NDUFB6: variants seen among roughly 807,000 people sequenced by gnomAD.
NDUFB6 encodes the protein NADH:ubiquinone oxidoreductase subunit B6.
Under a neutral mutation model 17.5 loss-of-function variants are expected in NDUFB6, and 23 were observed. The ratio of observed to expected loss-of-function variants is 1.31; its 90% CI spans 0.94 to 1.86. The LOEUF (loss-of-function observed/expected upper bound fraction) is 1.86. Ranked by LOEUF, NDUFB6 falls within the 40% of genes most tolerant of loss-of-function variation. The probability of loss-of-function intolerance (pLI) is 0.00; values close to 1 mark genes in which losing one functional copy is unlikely to be tolerated. For missense variants in NDUFB6, 167 were observed against 153.8 expected, an observed-to-expected ratio of 1.09 and a Z score of -0.46; for synonymous variants, 60 against 53.5, an observed-to-expected ratio of 1.12 and a Z score of -0.53.
At chr9:32,572,316 T>G (rs922357768) in intron 1 of NDUFB6, among the ~76,000 whole-genome samples, 1 of 152,206 alleles carries the variant, frequency 6.6e-6, no homozygotes, top group Non-Finnish European at 1.5e-5. Context: ...AAAATGCGAT[T>G]TTTTTAATGA....
At chr9:32,562,783 C>T (rs900788299) in intron 2 of NDUFB6, among the ~76,000 whole-genome samples, 1 of 152,190 alleles carries the variant, frequency 6.6e-6, no homozygotes, top group East Asian at 1.9e-4. Flanking sequence ...TCTCAATTGT[C>T]TCAATAATTG....
At position 32,560,805 on chromosome 9, in the gene NDUFB6, C is replaced by A. The variant is rs114949985; in HGVS notation, c.274-1851G>T. Among the ~76,000 whole-genome samples the A allele has an allele frequency of 4.7e-3, 721 of 152,164 alleles. 8 individuals carry two copies. The highest frequency in any genetic ancestry group is 0.017 in the African/African-American group (691 of 41,512). On this transcript the variant is annotated intron_variant, in intron 2 of 3. Transcript: ENST00000379847. ...GATAGTAAAAACAAAGGAGATTATT[C>A]TTATTTTACTAGATGCATAGTTTAA...
chr9:32,568,442 G>T, intron 2 of NDUFB6: 1 of 241,872 alleles, frequency 4.1e-6, no homozygotes, highest in Non-Finnish European at 8.8e-6. Flanking sequence ...TATGAACATT[G>T]TTGAAATGAC....
chr9:32,565,225 A>G (rs936527855), intron 2 of NDUFB6, among the ~76,000 whole-genome samples: 2 of 151,828 alleles, frequency 1.3e-5, no homozygotes, highest in Non-Finnish European at 2.9e-5. Flanking sequence ...CCCAGGAGGC[A>G]GAGGTCGCAG....
chr9:32,561,047 T>A (rs1587641880), intron 2 of NDUFB6, among the ~76,000 whole-genome samples: 1 of 152,322 alleles, frequency 6.6e-6, no homozygotes, highest in Admixed American at 6.5e-5. Flanking sequence ...AACAGATGTA[T>A]AATGAAATGA....
chr9:32,572,872 G>C lies in NDUFB6; in HGVS notation c.180+9C>G. On this transcript the variant is annotated intron_variant, in intron 1 of 3. Coordinates refer to ENST00000379847, the MANE Select transcript of NDUFB6 (RefSeq NM_002493.5). ...GTGTTGGGGGGGACCGGAGAGGTCT[G>C]TCACTCACCATTTTCCTCCAAGGGG... 6.4e-7 allele frequency: 1 copy of C among 1,567,348 alleles called. No homozygotes were observed.
chr9:32,557,698 C>T lies in NDUFB6; in HGVS notation c.318+1212G>A, dbSNP rs547976162. ...TTCACCATGTTGGCCAGGCTGGTCTCGAAGTTCTGACCTTGTGATCCACCC... is the reference window on the plus strand; with the variant it reads ...TTCACCATGTTGGCCAGGCTGGTCTTGAAGTTCTGACCTTGTGATCCACCC... On this transcript the variant is annotated intron_variant, in intron 3 of 3. Transcript: ENST00000379847. Among the ~76,000 whole-genome samples the T allele has an allele frequency of 9.9e-5, 15 of 151,994 alleles. 1 individual carries two copies. Among genetic ancestry groups the T allele is most frequent in the South Asian group, 4.2e-4 (2 of 4,808 alleles).
chr9:32,556,844 TAC>T (rs1375590875), intron 3 of NDUFB6, among the ~76,000 whole-genome samples: 254 of 131,352 alleles, frequency 1.9e-3, no homozygotes, highest in Admixed American at 4.6e-3. Context: ...AGAAATCCCC[TAC>T]TTTTTTTTTT....
intron 3 of NDUFB6, among the ~76,000 whole-genome samples, chr9:32,556,815 T>C (rs1821467403): frequency 6.7e-6 from 1 of 150,006 alleles, no homozygotes; most frequent in Non-Finnish European, 1.5e-5. Flanking sequence ...ACATCAATGT[T>C]ACACAATAAA....
chr9:32,553,891 A>G lies in NDUFB6; in HGVS notation c.372T>C (p.Pro124=), dbSNP rs1194334797. 1 of 1,592,720 alleles carries G rather than the reference A, an allele frequency of 6.3e-7. No individual in the cohort carries two copies. The highest frequency in any genetic ancestry group is 8.6e-7 in the Non-Finnish European group (1 of 1,161,374). ...GEVIPPMKEF[P]DQHH Reference sequence around the variant, plus strand: ...TACATAATCTTTAATGATGTTGATCAGGAAATTCTTTCATTGGTGGAATTA... The same window carrying G: ...TACATAATCTTTAATGATGTTGATCGGGAAATTCTTTCATTGGTGGAATTA... The change falls in exon 4 of 4, where the codon CCT becomes CCC. Residue 124 remains proline, a synonymous_variant. Coordinates refer to ENST00000379847, the MANE Select transcript of NDUFB6 (RefSeq NM_002493.5).
At chr9:32,566,139 G>A in intron 2 of NDUFB6, 1 of 655,324 alleles carries the variant, frequency 1.5e-6, no homozygotes, top group Non-Finnish European at 2.8e-6. Context: ...AGAATATGGT[G>A]TGTATATGTC....
chr9:32,566,713 A>G (rs1295908440), intron 2 of NDUFB6: 3 of 859,482 alleles, frequency 3.5e-6, no homozygotes, highest in Non-Finnish European at 6.0e-6. Flanking sequence ...GACTTATTCC[A>G]AAATCGGGAC....
chr9:32,564,175 T>G (rs673710), intron 2 of NDUFB6, among the ~76,000 whole-genome samples: 61,523 of 152,036 alleles, frequency 0.4, 12,929 homozygotes, highest in South Asian at 0.47. Flanking sequence ...TATCTATTTC[T>G]AGGTCTATCA....
chr9:32,555,644 T>C (rs1030609357), intron 3 of NDUFB6, among the ~76,000 whole-genome samples: 1 of 152,218 alleles, frequency 6.6e-6, no homozygotes, highest in Non-Finnish European at 1.5e-5. Flanking sequence ...GTTTACAGAA[T>C]CCTGCCAGAA....
chr9:32,568,645 C>G, intron 2 of NDUFB6: 1 of 161,208 alleles, frequency 6.2e-6, no homozygotes. Flanking sequence ...GTCTCATATA[C>G]ATATATATAT....
chr9:32,557,755 G>T (rs10971023), intron 3 of NDUFB6, among the ~76,000 whole-genome samples: 1 of 151,902 alleles, frequency 6.6e-6, no homozygotes, highest in Non-Finnish European at 1.5e-5. Flanking sequence ...GGGATTACAC[G>T]CGTGAGCCAC....
At chr9:32,564,393 T>C (rs921848825) in intron 2 of NDUFB6, among the ~76,000 whole-genome samples, 3 of 152,202 alleles carry the variant, frequency 2.0e-5, no homozygotes, top group South Asian at 2.1e-4. Context: ...TTCTTATAAA[T>C]AGAAGGTTTT....
At position 32,558,822 on chromosome 9, in the gene NDUFB6, C is replaced by T. The variant is rs1563992775; in HGVS notation, c.318+88G>A. The T allele has an allele frequency of 2.5e-5, 23 of 917,734 alleles. 1 individual carries two copies. Among genetic ancestry groups the T allele is most frequent in the Non-Finnish European group, 8.2e-6 (5 of 612,274 alleles). The allele number at this position is 917,734 out of a possible 1,614,324, so 56.8% of individuals were successfully genotyped here. ...TAAACCGAAAGTGAGAAGGAAAGAACATTTTAATCTAATAATTGCTTGGAA... is the reference window on the plus strand; with the variant it reads ...TAAACCGAAAGTGAGAAGGAAAGAATATTTTAATCTAATAATTGCTTGGAA... On this transcript the variant is annotated intron_variant, in intron 3 of 3. Coordinates refer to ENST00000379847, the MANE Select transcript of NDUFB6 (RefSeq NM_002493.5).
At position 32,553,215 on chromosome 9, in the gene NDUFB6, G is replaced by C. The variant is rs904235457; in HGVS notation, c.*661C>G. ...TTCGGAAAGCTTTTTTTTTTTTTGA[G>C]ACGGAGTCTTGCTCTGTCGCCCAGG... On this transcript the variant is annotated 3_prime_UTR_variant, in exon 4 of 4. Transcript: ENST00000379847. 4.5e-5 allele frequency: 11 copies of C among 245,408 alleles called. No homozygotes were observed. Among genetic ancestry groups the C allele is most frequent in the African/African-American group, 2.1e-4 (9 of 42,572 alleles). 15.2% of individuals were successfully genotyped at this position (245,408 alleles called of 1,614,324 possible). A position where few individuals can be genotyped will look rare whatever the true frequency, so the allele number is the denominator to read the frequency against.
Sources: allele counts gnomAD v4.1 joint callset (sites outside exome capture counted in the v4.1 genomes callset), GRCh38; gene constraint gnomAD v4.1.1; transcripts MANE v1.5; gene names NCBI Gene and HGNC (gene_info 2026-07-23, HGNC 2026-07-21).